The following SPMIP8 variants were observed in gnomAD, a reference collection of about 807,000 sequenced individuals.
SPMIP8 encodes testicular tissue protein Li 196.
the SPMIP8 span, chr16:57,984,711 A>G: frequency 7.5e-6 from 12 of 1,600,308 alleles, no homozygotes; most frequent in Non-Finnish European, 1.0e-5. Context: ...GCCAGGCATC[A>G]ACCGAGTGGA....
At chr16:57,984,432 G>T in the SPMIP8 span, 1 of 1,591,004 alleles carries the variant, frequency 6.3e-7, no homozygotes, top group Admixed American at 1.7e-5. Context: ...CTGGTCCTGG[G>T]ATCTACACCC....
At chr16:57,977,668 T>C in the SPMIP8 span, 1 of 840,586 alleles carries the variant, frequency 1.2e-6, no homozygotes, top group East Asian at 2.5e-5. Flanking sequence ...CATGCTGAGC[T>C]CCAGAAAAAT....
the SPMIP8 span, chr16:57,985,673 A>AATTTGTTT: frequency 3.7e-6 from 5 of 1,337,598 alleles, no homozygotes; most frequent in East Asian, 2.5e-5. Context: ...GCTCCAATAC[A>AATTTGTTT]CCAGAAACAA....
chr16:57,984,478 C>CT, the SPMIP8 span: 1 of 1,524,244 alleles, frequency 6.6e-7, no homozygotes, highest in Middle Eastern at 2.2e-4. Flanking sequence ...GGGACTCCCG[C>CT]TCCCCACATC....
the SPMIP8 span, chr16:57,976,762 C>T: frequency 9.1e-7 from 1 of 1,097,994 alleles, no homozygotes; most frequent in Non-Finnish European, 1.3e-6. Context: ...CCTCCCTGCT[C>T]CTCCATGATC....
chr16:57,982,470 ACT>A, the SPMIP8 span, among the ~76,000 whole-genome samples: 1 of 152,204 alleles, frequency 6.6e-6, no homozygotes, highest in African/African-American at 2.4e-5. Flanking sequence ...AATTTGAGCC[ACT>A]GTTTCTTCAT....
At chr16:57,983,083 A>C in the SPMIP8 span, among the ~76,000 whole-genome samples, 1 of 152,168 alleles carries the variant, frequency 6.6e-6, no homozygotes, top group Non-Finnish European at 1.5e-5. Context: ...ACCCATCTGC[A>C]CCTTGGAGTT....
the SPMIP8 span, chr16:57,987,319 A>G: frequency 5.1e-6 from 7 of 1,373,780 alleles, no homozygotes; most frequent in South Asian, 1.7e-5. Context: ...GTGTTTTCAG[A>G]TCCTAGAGGG....
At chr16:57,983,116 C>T in the SPMIP8 span, among the ~76,000 whole-genome samples, 1 of 152,142 alleles carries the variant, frequency 6.6e-6, no homozygotes, top group Non-Finnish European at 1.5e-5. Context: ...AATTCCTCAA[C>T]TTGTTAATTT....
chr16:57,982,077 C>T, the SPMIP8 span, among the ~76,000 whole-genome samples: 1 of 152,214 alleles, frequency 6.6e-6, no homozygotes, highest in African/African-American at 2.4e-5. Context: ...CACCTTCCTC[C>T]TGCTTCAGTT....
At chr16:57,986,240 T>C in the SPMIP8 span, 4 of 350,680 alleles carry the variant, frequency 1.1e-5, no homozygotes, top group Admixed American at 4.7e-5. Flanking sequence ...AACAGACAAA[T>C]AAGAAACACA....
the SPMIP8 span, among the ~76,000 whole-genome samples, chr16:57,977,129 G>C: frequency 6.6e-6 from 1 of 152,030 alleles, no homozygotes; most frequent in Admixed American, 6.6e-5. Context: ...GAATAGACTC[G>C]CCAGGCAAGG....
At chr16:57,980,374 T>A in the SPMIP8 span, among the ~76,000 whole-genome samples, 1 of 152,250 alleles carries the variant, frequency 6.6e-6, no homozygotes, top group East Asian at 1.9e-4. Context: ...AACCTTTAAA[T>A]GTATTACAAT....
chr16:57,987,254 A>C, the SPMIP8 span: 1 of 797,558 alleles, frequency 1.3e-6, no homozygotes, highest in Non-Finnish European at 1.8e-6. Flanking sequence ...CTGAAAATAC[A>C]GAAAACAGGG....
the SPMIP8 span, among the ~76,000 whole-genome samples, chr16:57,983,038 AT>A: frequency 2.6e-5 from 4 of 152,060 alleles, no homozygotes; most frequent in African/African-American, 7.2e-5. Context: ...TCAAAAAAAA[AT>A]TTTTTTTAAA....
the SPMIP8 span, among the ~76,000 whole-genome samples, chr16:57,976,791 T>C: frequency 6.6e-6 from 1 of 152,092 alleles, no homozygotes; most frequent in African/African-American, 2.4e-5. Context: ...TCTCTCCTCC[T>C]GCCACCCTAG....
the SPMIP8 span, chr16:57,985,167 G>T: frequency 2.7e-6 from 4 of 1,474,474 alleles, no homozygotes; most frequent in Admixed American, 2.6e-5. Flanking sequence ...GTCCTGGGGG[G>T]GGGCGGATGA....
At chr16:57,977,953 T>G in the SPMIP8 span, 1 of 1,614,064 alleles carries the variant, frequency 6.2e-7, no homozygotes, top group Non-Finnish European at 8.5e-7. Context: ...CACCCAGCCC[T>G]GCCCACCCTG....
chr16:57,985,981 T>C, the SPMIP8 span: 2 of 1,580,746 alleles, frequency 1.3e-6, no homozygotes, highest in Admixed American at 1.9e-5. Context: ...GCCAACCACG[T>C]TCTCATCCGA....
Sources: gnomAD v4.1 joint callset for allele counts (sites outside exome capture counted in the v4.1 genomes callset) on GRCh38, gnomAD v4.1.1 for gene constraint, MANE v1.5 for transcripts, NCBI Gene and HGNC (gene_info 2026-07-23, HGNC 2026-07-21) for gene names.